Variants in FEZF2 observed in about 807,000 individuals in gnomAD.
The protein encoded by FEZF2 is fez family zinc finger protein 2.
FEZF2 carries 2 observed loss-of-function variants against 32.8 expected under a neutral mutation model. The observed-to-expected ratio is 0.06, with a 90% CI of 0.02 to 0.19. The LOEUF (loss-of-function observed/expected upper bound fraction) is 0.19. Among genes scored for constraint, FEZF2 ranks in the 10% least tolerant of loss-of-function variants. FEZF2 has a pLI of 1.00. For synonymous variants in FEZF2, 322 were observed against 284.8 expected (o/e 1.13, Z -1.32); for missense variants, 516 against 625.4 (o/e 0.83, Z 1.87).
Position 62,372,314 on chromosome 3 carries a change from G to A in FEZF2, c.555C>T (p.Leu185=), listed in dbSNP as rs148384115. The change falls in exon 2 of 5, where the codon CTC becomes CTT. Residue 185 remains leucine (L), a synonymous_variant. Transcript: ENST00000283268. The surrounding 1 kb of genome is among the most constrained non-coding windows in gnomAD (Gnocchi z 9.6). The part of the protein sequence containing the change: ...LDSTAYPPSE[L]LSGHLFPSGL... ...CAGACGGGAAGAGGTGGCCGCTGAG[G>A]AGCTCAGACGGCGGGTACGCGGTCG... is the stretch of plus-strand genomic sequence containing the variant. 3 of 1,609,176 alleles carry A rather than the reference G, an allele frequency of 1.9e-6. No homozygotes were observed. The highest frequency in any genetic ancestry group is 2.2e-5 in the East Asian group (1 of 44,796).
rs1704257901 is a variant in FEZF2 at position 62,370,743 on chromosome 3, G to T, written c.1121-401C>A. On this transcript the variant is annotated intron_variant, in intron 4 of 4. Coordinates refer to ENST00000283268, the MANE Select transcript of FEZF2 (RefSeq NM_018008.4). The surrounding 1 kb of genome is among the most constrained non-coding windows in gnomAD (Gnocchi z 4.2). ...TCTTTTCCCCCTTCTCATTTTTAAA[G>T]TTACTTCTTTCTCGCCCCCCAACTA... 6.6e-6 allele frequency among the ~76,000 whole-genome samples: 1 copy of T among 152,074 alleles called. No individual in the cohort carries two copies.
intron 3 of FEZF2, 63 bp downstream of exon 3, chr3:62,371,470 C>T: frequency 6.3e-7 from 1 of 1,579,796 alleles, no homozygotes; most frequent in Non-Finnish European, 8.6e-7. Context: ...ATCGTATCCC[C>T]GGTGTTATCA....
Position 62,372,593 on chromosome 3 carries a change from C to T in FEZF2, c.276G>A (p.Ser92=), listed in dbSNP as rs758554196. Residue 92 remains serine, a synonymous_variant, in exon 2 of 5, where the codon TCG becomes TCA. Transcript: ENST00000283268. This position sits in a 1 kb window ranked among gnomAD's most constrained non-coding sequence, Gnocchi z 9.6. ...CCCGGAGGCTGCTTTTCCAGAGCTC[C>T]GAGTAACTGAGCAGTGTCTTTGACG... is the stretch of plus-strand genomic sequence containing the variant. The part of the protein sequence containing the change: ...EVPSKTLLSY[S]ELWKSSLRAG... 4.1e-6 allele frequency: 6 copies of T among 1,446,728 alleles called. No homozygotes were observed. In the Admixed American group the frequency reaches 6.6e-5, roughly 16 times the overall value. The allele number at this position is 1,446,728 out of a possible 1,614,324, so 89.6% of individuals were successfully genotyped here. A position where few individuals can be genotyped will look rare whatever the true frequency, so the allele number is the denominator to read the frequency against.
chr3:62,370,310 C>G lies in FEZF2; in HGVS notation c.1153G>C (p.Gly385Arg). The G allele has an allele frequency of 6.2e-7, 1 of 1,614,202 alleles. No homozygotes were observed. Among genetic ancestry groups the G allele is most frequent in the South Asian group, 1.1e-5 (1 of 91,076 alleles). ...ATGGTACATTTGTACTGCTTCTCGCCGCTGTGGGTCAGCTTGTGGTTCTTG... is the reference window on the plus strand; with the variant it reads ...ATGGTACATTTGTACTGCTTCTCGCGGCTGTGGGTCAGCTTGTGGTTCTTG... ...NYKNHKLTHS[G>R]EKQYKCTICN... is the part of the protein sequence containing the mutation. Residue 385 changes from glycine to arginine, a missense_variant, in exon 5 of 5, where the codon GGC becomes CGC. Coordinates refer to ENST00000283268, the MANE Select transcript of FEZF2 (RefSeq NM_018008.4). The surrounding 1 kb of genome is among the most constrained non-coding windows in gnomAD (Gnocchi z 4.2).
In FEZF2 at chr3:62,372,194, C is replaced by A. The variant is rs769897572; in HGVS notation, c.675G>T (p.Lys225Asn). ...NAKLAGLAAD[K>N]FPHPAPYPHK... Reference sequence around the variant, plus strand: ...GGGGATAGGGAGCCGGGTGGGGGAACTTGTCCGCAGCCAGGCCGGCCAGCT... The same window carrying A: ...GGGGATAGGGAGCCGGGTGGGGGAAATTGTCCGCAGCCAGGCCGGCCAGCT... Residue 225 changes from lysine to asparagine, a missense_variant, in exon 2 of 5, where the codon AAG (lysine) becomes AAT (asparagine). Lys to Asn is a moderately conservative substitution (Grantham distance 94, BLOSUM62 0). Coordinates refer to ENST00000283268, the MANE Select transcript of FEZF2 (RefSeq NM_018008.4). This position sits in a 1 kb window ranked among gnomAD's most constrained non-coding sequence, Gnocchi z 9.6. The A allele has an allele frequency of 1.9e-6, 3 of 1,579,020 alleles. No individual in the cohort carries two copies. Among genetic ancestry groups the A allele is most frequent in the South Asian group, 2.3e-5 (2 of 86,826 alleles).
intron 4 of FEZF2, 48 bp downstream of exon 4, chr3:62,371,169 C>G: frequency 1.2e-6 from 2 of 1,613,702 alleles, no homozygotes; most frequent in Admixed American, 1.7e-5. Flanking sequence ...AGCCGCGACC[C>G]GAGTCCTGAG....
Position 62,372,964 on chromosome 3 carries a change from T to C in FEZF2, c.-58-38A>G. The C allele has an allele frequency of 8.2e-7, 1 of 1,217,518 alleles. No homozygotes were observed. The highest frequency in any genetic ancestry group is 1.1e-6 in the Non-Finnish European group (1 of 940,386). The allele number at this position is 1,217,518 out of a possible 1,614,324, so 75.4% of individuals were successfully genotyped here. A position where few individuals can be genotyped will look rare whatever the true frequency, so the allele number is the denominator to read the frequency against. On this transcript the variant is annotated intron_variant, in intron 1 of 4. Coordinates refer to ENST00000283268, the MANE Select transcript of FEZF2 (RefSeq NM_018008.4). This position sits in a 1 kb window ranked among gnomAD's most constrained non-coding sequence, Gnocchi z 9.6. The stretch of plus-strand genomic sequence containing the variant: ...AAAGGCAGGGGGGAAAACTGCAATT[T>C]AATAAGCACCTAGTCGGGCCCGGGT...
chr3:62,372,981 G>T lies in FEZF2; in HGVS notation c.-58-55C>A. 1 of 1,072,152 alleles carries T rather than the reference G, an allele frequency of 9.3e-7. No individual in the cohort carries two copies. The highest frequency in any genetic ancestry group is 1.2e-6 in the Non-Finnish European group (1 of 815,180). The allele number at this position is 1,072,152 out of a possible 1,614,324, so 66.4% of individuals were successfully genotyped here. A position where few individuals can be genotyped will look rare whatever the true frequency, so the allele number is the denominator to read the frequency against. The stretch of plus-strand genomic sequence containing the variant: ...CTGCAATTTAATAAGCACCTAGTCG[G>T]GCCCGGGTCACCCATTTGCATTCAA... On this transcript the variant is annotated intron_variant, in intron 1 of 4. Coordinates refer to ENST00000283268, the MANE Select transcript of FEZF2 (RefSeq NM_018008.4). This position sits in a 1 kb window ranked among gnomAD's most constrained non-coding sequence, Gnocchi z 9.6.
Position 62,372,087 on chromosome 3 carries a change from C to T in FEZF2, c.782G>A (p.Gly261Asp), listed in dbSNP as rs888073629. 3.1e-6 allele frequency: 5 copies of T among 1,607,950 alleles called. No individual in the cohort carries two copies. The highest frequency in any genetic ancestry group is 4.2e-6 in the Non-Finnish European group (5 of 1,178,074). Residue 261 changes from glycine (G) to aspartate (D), a missense_variant, in exon 2 of 5, where the codon GGC becomes GAC. Gly to Asp is a moderately conservative substitution (Grantham distance 94, BLOSUM62 -1). Coordinates refer to ENST00000283268, the MANE Select transcript of FEZF2 (RefSeq NM_018008.4). The surrounding 1 kb of genome is among the most constrained non-coding windows in gnomAD (Gnocchi z 9.6). Reference protein sequence around the residue: ...ALTAERGGVKGHSKLPGGSAD... With the variant: ...ALTAERGGVKDHSKLPGGSAD... ...GGAGCCTCCTGGCAGCTTGCTGTGGCCCTTGACGCCTCCGCGCTCGGCAGT... is the reference window on the plus strand; with the variant it reads ...GGAGCCTCCTGGCAGCTTGCTGTGGTCCTTGACGCCTCCGCGCTCGGCAGT...
At position 62,373,132 on chromosome 3, in the gene FEZF2, AAAAG is replaced by A; in HGVS notation, c.-59+143_-59+146del. On this transcript the variant is annotated intron_variant, in intron 1 of 4. Coordinates refer to ENST00000283268, the MANE Select transcript of FEZF2 (RefSeq NM_018008.4). This position sits in a 1 kb window ranked among gnomAD's most constrained non-coding sequence, Gnocchi z 5.5. ...AGGGGGAAGAAGGGGGAGGGTTTAC[AAAAG>A]AAAAGGGGGGGGGCGGTGAGAAAAG... 1 of 300,318 alleles carries A rather than the reference AAAAG, an allele frequency of 3.3e-6. No individual in the cohort carries two copies. The highest frequency in any genetic ancestry group is 6.1e-6 in the Non-Finnish European group (1 of 163,128). The allele number at this position is 300,318 out of a possible 1,614,324, so 18.6% of individuals were successfully genotyped here. A position where few individuals can be genotyped will look rare whatever the true frequency, so the allele number is the denominator to read the frequency against.
rs1253159940 is a variant in FEZF2, at chr3:62,373,063, C to T, written c.-58-137G>A. On this transcript the variant is annotated intron_variant, in intron 1 of 4. Coordinates refer to ENST00000283268, the MANE Select transcript of FEZF2 (RefSeq NM_018008.4). The surrounding 1 kb of genome is among the most constrained non-coding windows in gnomAD (Gnocchi z 5.5). ...GGTACCAAATTACCGCCCATTAACC[C>T]GGCGCGCAAAGGAACCCACCAGCCC... is the stretch of plus-strand genomic sequence containing the variant. The T allele has an allele frequency of 1.4e-5, 6 of 431,168 alleles. No individual in the cohort carries two copies. The highest frequency in any genetic ancestry group is 4.1e-5 in the African/African-American group (2 of 48,924). 26.7% of individuals were successfully genotyped at this position (431,168 alleles called of 1,614,324 possible).
Position 62,372,523 on chromosome 3 carries a change from CG to C in FEZF2, c.345del (p.Ala118ProfsTer129), listed in dbSNP as rs781587086. On this transcript the variant is annotated frameshift_variant, in exon 2 of 5. Coordinates refer to ENST00000283268, the MANE Select transcript of FEZF2 (RefSeq NM_018008.4). LOFTEE classifies it high-confidence loss of function. The surrounding 1 kb of genome is among the most constrained non-coding windows in gnomAD (Gnocchi z 9.6). ...CTGGCGCCGCACACTGGGGCCCCCCCGCCGCCGCCGCCGCCACCGCCGCCGC... is the reference window on the plus strand; with the variant it reads ...CTGGCGCCGCACACTGGGGCCCCCCCCCGCCGCCGCCGCCACCGCCGCCGC... ...GGGGGGGGGGGGGAPVCGASG... is the reference protein window; with the variant it reads ...GGGGGGGGGGXGGAPVCGASG... 9 of 1,276,972 alleles carry C rather than the reference CG, an allele frequency of 7.0e-6. No homozygotes were observed. Among genetic ancestry groups the C allele is most frequent in the Admixed American group, 4.2e-5 (1 of 24,016 alleles). The allele number at this position is 1,276,972 out of a possible 1,614,324, so 79.1% of individuals were successfully genotyped here. A position where few individuals can be genotyped will look rare whatever the true frequency, so the allele number is the denominator to read the frequency against.
rs1424405854 is a variant in FEZF2, at chr3:62,372,522, CCG to C, written c.345_346del (p.Ala118ProfsTer66). On this transcript the variant is annotated frameshift_variant, in exon 2 of 5. Coordinates refer to ENST00000283268, the MANE Select transcript of FEZF2 (RefSeq NM_018008.4). LOFTEE classifies it high-confidence loss of function. This position sits in a 1 kb window ranked among gnomAD's most constrained non-coding sequence, Gnocchi z 9.6. ...GCTGGCGCCGCACACTGGGGCCCCC[CCG>C]CCGCCGCCGCCGCCACCGCCGCCGC... The C allele has an allele frequency of 7.8e-7, 1 of 1,275,396 alleles. No homozygotes were observed. The highest frequency in any genetic ancestry group is 9.9e-7 in the Non-Finnish European group (1 of 1,010,096). 79.0% of individuals were successfully genotyped at this position (1,275,396 alleles called of 1,614,324 possible).
At position 62,373,055 on chromosome 3, in the gene FEZF2, C is replaced by G. The variant is rs1704297656; in HGVS notation, c.-58-129G>C. ...CACCCAAGGGTACCAAATTACCGCC[C>G]ATTAACCCGGCGCGCAAAGGAACCC... On this transcript the variant is annotated intron_variant, in intron 1 of 4. Coordinates refer to ENST00000283268, the MANE Select transcript of FEZF2 (RefSeq NM_018008.4). This position sits in a 1 kb window ranked among gnomAD's most constrained non-coding sequence, Gnocchi z 5.5. The G allele has an allele frequency of 2.2e-6, 1 of 458,838 alleles. No homozygotes were observed. The highest frequency in any genetic ancestry group is 3.5e-6 in the Non-Finnish European group (1 of 287,850). 28.4% of individuals were successfully genotyped at this position (458,838 alleles called of 1,614,324 possible).
Position 62,370,209 on chromosome 3 carries a change from C to A in FEZF2, c.1254G>T (p.Thr418=). ...AAAACCCTTTGCCGCAAGTGGCGCA[C>A]GTGAAAGGCTTCTTGTCGTTGTGGG... The part of the protein sequence containing the change: ...MHTHNDKKPF[T]CATCGKGFCR... The change falls in exon 5 of 5, where the codon ACG becomes ACT. Residue 418 remains threonine, a synonymous_variant. Transcript: ENST00000283268. This position sits in a 1 kb window ranked among gnomAD's most constrained non-coding sequence, Gnocchi z 4.2. The A allele has an allele frequency of 1.2e-6, 2 of 1,614,126 alleles. No individual in the cohort carries two copies. Among genetic ancestry groups the A allele is most frequent in the Non-Finnish European group, 1.7e-6 (2 of 1,180,040 alleles).
chr3:62,373,136 G>T lies in FEZF2; in HGVS notation c.-59+143C>A. 1 of 156,112 alleles carries T rather than the reference G, an allele frequency of 6.4e-6. No homozygotes were observed. 9.7% of individuals were successfully genotyped at this position (156,112 alleles called of 1,614,324 possible). A position where few individuals can be genotyped will look rare whatever the true frequency, so the allele number is the denominator to read the frequency against. On this transcript the variant is annotated intron_variant, in intron 1 of 4. Transcript: ENST00000283268. This position sits in a 1 kb window ranked among gnomAD's most constrained non-coding sequence, Gnocchi z 5.5. ...GGAAGAAGGGGGAGGGTTTACAAAA[G>T]AAAAGGGGGGGGGCGGTGAGAAAAG...
At position 62,370,466 on chromosome 3, in the gene FEZF2, C is replaced by A; in HGVS notation, c.1121-124G>T. The A allele has an allele frequency of 1.0e-6, 1 of 978,556 alleles. No homozygotes were observed. Among genetic ancestry groups the A allele is most frequent in the Non-Finnish European group, 1.5e-6 (1 of 652,704 alleles). 60.6% of individuals were successfully genotyped at this position (978,556 alleles called of 1,614,324 possible). On this transcript the variant is annotated intron_variant, in intron 4 of 4. Transcript: ENST00000283268. The surrounding 1 kb of genome is among the most constrained non-coding windows in gnomAD (Gnocchi z 4.2). ...AAGGCGACGCTTGGCTAGGCGGGCGCGACCTCTTCGAGTGAAGAAGTTGTC... is the reference window on the plus strand; with the variant it reads ...AAGGCGACGCTTGGCTAGGCGGGCGAGACCTCTTCGAGTGAAGAAGTTGTC...
At position 62,372,564 on chromosome 3, in the gene FEZF2, C is replaced by T. The variant is rs766677216; in HGVS notation, c.305G>A (p.Gly102Asp). ...SELWKSSLRA[G>D]GGGGGGGGGG... The stretch of plus-strand genomic sequence containing the variant: ...ACCGCCGCCGCCGCCTCCGCCGCCG[C>T]CCGCCCGGAGGCTGCTTTTCCAGAG... The change falls in exon 2 of 5, where the codon GGC becomes GAC. Residue 102 changes from glycine to aspartate, a missense_variant. Physicochemically the swap from Gly to Asp is moderately conservative, Grantham distance 94. Around this residue, in one of 3 missense-constraint regions of FEZF2, gnomAD observed 408 missense variants for 382.2 expected, o/e 1.07. Coordinates refer to ENST00000283268, the MANE Select transcript of FEZF2 (RefSeq NM_018008.4). This position sits in a 1 kb window ranked among gnomAD's most constrained non-coding sequence, Gnocchi z 9.6. The T allele has an allele frequency of 1.4e-5, 19 of 1,380,014 alleles. 1 individual carries two copies. The highest frequency in any genetic ancestry group is 2.9e-5 in the Admixed American group (1 of 34,376). 85.5% of individuals were successfully genotyped at this position (1,380,014 alleles called of 1,614,324 possible). A position where few individuals can be genotyped will look rare whatever the true frequency, so the allele number is the denominator to read the frequency against.
rs1248293684 is a variant in FEZF2, at chr3:62,371,805, CA to C, written c.853-139del. ...CTTTTTCAGTTTGTAAAGTGCTGCC[CA>C]AACTCCTGCTTACACCAATACTGTG... On this transcript the variant is annotated intron_variant, in intron 2 of 4. Transcript: ENST00000283268. 2.1e-6 allele frequency: 3 copies of C among 1,418,176 alleles called. No individual in the cohort carries two copies. In the African/African-American group the frequency reaches 4.3e-5, roughly 20 times the overall value. 87.8% of individuals were successfully genotyped at this position (1,418,176 alleles called of 1,614,324 possible).
Sources: allele counts gnomAD v4.1 joint callset (sites outside exome capture counted in the v4.1 genomes callset), GRCh38; gene constraint gnomAD v4.1.1; regional missense constraint gnomAD v4.1.1; non-coding constraint Gnocchi (gnomAD v3.1); transcripts MANE v1.5; gene names NCBI Gene and HGNC (gene_info 2026-07-23, HGNC 2026-07-21).